The following EYS variants were observed in gnomAD, a reference collection of about 807,000 sequenced individuals.
The protein encoded by EYS is EGF-like photoreceptor maintenance factor, also known as protein eyes shut homolog.
In EYS, 250 loss-of-function variants were observed where a neutral mutation model predicts 282.1. That is an observed-to-expected ratio of 0.89 (90% CI 0.80 to 0.98). EYS has a LOEUF of 0.98. Among genes scored for constraint, EYS ranks in the 50% least tolerant of loss-of-function variants. The pLI is 0.00. For missense variants in EYS, 4,016 were observed against 3,709.0 expected (o/e 1.08, Z -2.15); for synonymous variants, 1,355 against 1,282.9 (o/e 1.06, Z -1.20).
At chr6:63,969,402 A>G (rs1377256080) in intron 35 of EYS, among the ~76,000 whole-genome samples, 1 of 152,208 alleles carries the variant, frequency 6.6e-6, no homozygotes. Flanking sequence ...AAAGAGCATG[A>G]GGAATTTTTG....
At chr6:64,922,424 T>G (rs73767182) in intron 15 of EYS, among the ~76,000 whole-genome samples, 1,631 of 152,232 alleles carry the variant, frequency 0.011, 25 homozygotes, top group African/African-American at 0.038. Flanking sequence ...TAAAAATAAA[T>G]GAGTATGAAA....
At chr6:64,682,244 T>C (rs1436424329) in intron 22 of EYS, among the ~76,000 whole-genome samples, 1 of 152,122 alleles carries the variant, frequency 6.6e-6, no homozygotes, top group Non-Finnish European at 1.5e-5. Context: ...GGCGGGCGCC[T>C]GTAGTCCCAG....
At chr6:63,917,388 C>T (rs1033504614) in intron 35 of EYS, among the ~76,000 whole-genome samples, 2 of 152,202 alleles carry the variant, frequency 1.3e-5, no homozygotes, top group Admixed American at 6.5e-5. Flanking sequence ...CTGCAAACAA[C>T]CTCTGTATAT....
chr6:64,345,601 G>T (rs531308862), intron 29 of EYS, among the ~76,000 whole-genome samples: 3 of 151,648 alleles, frequency 2.0e-5, no homozygotes, highest in African/African-American at 7.3e-5. Flanking sequence ...AAAAACCCTA[G>T]AAGAAAACCT....
chr6:64,955,510 A>C (rs1369474801), intron 14 of EYS, among the ~76,000 whole-genome samples: 1 of 152,136 alleles, frequency 6.6e-6, no homozygotes, highest in Non-Finnish European at 1.5e-5. Flanking sequence ...TGTAGTTAGC[A>C]GGAAAAAATA....
At chr6:64,542,283 C>T (rs1378383052) in intron 26 of EYS, among the ~76,000 whole-genome samples, 1 of 152,038 alleles carries the variant, frequency 6.6e-6, no homozygotes, top group Non-Finnish European at 1.5e-5. Context: ...TCTATGTAAA[C>T]ATCATCTAAC....
At chr6:64,148,329 C>T (rs995231835) in intron 31 of EYS, among the ~76,000 whole-genome samples, 1 of 151,752 alleles carries the variant, frequency 6.6e-6, no homozygotes, top group Non-Finnish European at 1.5e-5. Flanking sequence ...TTCTTGTTGA[C>T]CTATTTTTTA....
At chr6:64,202,748 T>C (rs1425078166) in intron 31 of EYS, among the ~76,000 whole-genome samples, 1 of 152,086 alleles carries the variant, frequency 6.6e-6, no homozygotes, top group African/African-American at 2.4e-5. Context: ...ATAAGTATCC[T>C]TTGAAGAGGA....
rs551841861 is a variant in EYS at position 65,268,092 on chromosome 6, T to C, written c.2023+27771A>G. ...TTGCATATTCACAATGTAAAAATGC[T>C]GTTATGCTGTGGATATGCAATGAAT... On this transcript the variant is annotated intron_variant, in intron 12 of 42. Transcript: ENST00000503581. Among the ~76,000 whole-genome samples the C allele has an allele frequency of 8.7e-4, 133 of 152,150 alleles. 1 individual carries two copies. Among genetic ancestry groups the C allele is most frequent in the Non-Finnish European group, 1.6e-3 (112 of 67,940 alleles).
intron 29 of EYS, among the ~76,000 whole-genome samples, chr6:64,319,777 A>G (rs1462741067): frequency 6.6e-6 from 1 of 151,832 alleles, no homozygotes; most frequent in Non-Finnish European, 1.5e-5. Context: ...TTCCCCTTAA[A>G]TTACAGAGAA....
intron 8 of EYS, among the ~76,000 whole-genome samples, chr6:65,381,122 AC>A (rs1324933809): frequency 3.3e-5 from 5 of 152,158 alleles, no homozygotes; most frequent in African/African-American, 1.2e-4. Context: ...CTAAGTATAT[AC>A]CCAAATGATT....
At chr6:64,813,631 T>C (rs897420898) in intron 21 of EYS, 54 bp from the exon 22 acceptor site, 2 of 1,037,392 alleles carry the variant, frequency 1.9e-6, no homozygotes, top group Non-Finnish European at 2.6e-6. Flanking sequence ...GTTGACCATT[T>C]TAATATAATT....
chr6:64,763,668 T>A (rs999119990), intron 22 of EYS, among the ~76,000 whole-genome samples: 1 of 152,072 alleles, frequency 6.6e-6, no homozygotes, highest in African/African-American at 2.4e-5. Context: ...CTTAACTTAT[T>A]CCAGTATTAA....
intron 29 of EYS, among the ~76,000 whole-genome samples, chr6:64,386,956 T>C (rs1036241528): frequency 2.0e-5 from 3 of 152,046 alleles, no homozygotes; most frequent in Non-Finnish European, 4.4e-5. Context: ...GGCTCCCCCA[T>C]TTAAGAAGTA....
chr6:65,300,770 T>A (rs1280647779), intron 11 of EYS: 1 of 152,224 alleles, frequency 6.6e-6, no homozygotes, highest in Non-Finnish European at 1.5e-5. Context: ...TTTACCTACA[T>A]CCACTCAGTG....
chr6:63,728,819 C>T (rs1768707318), intron 41 of EYS, among the ~76,000 whole-genome samples: 1 of 152,100 alleles, frequency 6.6e-6, no homozygotes, highest in Non-Finnish European at 1.5e-5. Flanking sequence ...ACAGTTTGAA[C>T]ACAAGTTTTC....
At chr6:65,213,377 G>C (rs1343564996) in intron 12 of EYS, among the ~76,000 whole-genome samples, 1 of 152,064 alleles carries the variant, frequency 6.6e-6, no homozygotes, top group African/African-American at 2.4e-5. Context: ...GACATGCCTT[G>C]TTTTATTATT....
intron 34 of EYS, among the ~76,000 whole-genome samples, chr6:63,991,580 T>A (rs1411494483): frequency 6.6e-6 from 1 of 151,440 alleles, no homozygotes; most frequent in African/African-American, 2.4e-5. Context: ...CATTACAGAA[T>A]TTCAACGGCA....
At chr6:65,135,682 T>A (rs1361842518) in intron 12 of EYS, among the ~76,000 whole-genome samples, 1 of 151,892 alleles carries the variant, frequency 6.6e-6, no homozygotes, top group Non-Finnish European at 1.5e-5. Flanking sequence ...AAATCTAAAA[T>A]CAGATTCCAT....
Sources: gnomAD v4.1 joint callset for allele counts (sites outside exome capture counted in the v4.1 genomes callset) on GRCh38, gnomAD v4.1.1 for gene constraint, MANE v1.5 for transcripts, NCBI Gene and HGNC (gene_info 2026-07-23, HGNC 2026-07-21) for gene names.